MACROD2: variants seen among roughly 807,000 people sequenced by gnomAD.
MACROD2 encodes mono-ADP ribosylhydrolase 2.
MACROD2 carries 36 observed loss-of-function variants against 70.4 expected under a neutral mutation model. That is an observed-to-expected ratio of 0.51 (90% CI 0.39 to 0.68). The LOEUF (loss-of-function observed/expected upper bound fraction) is 0.68, where lower values mean the gene tolerates loss of function less well. MACROD2 is among the 30% of genes least tolerant of loss of function. The pLI is 0.00. For synonymous variants in MACROD2, 172 were observed against 178.8 expected (o/e 0.96, Z 0.30); for missense variants, 496 against 538.4 (o/e 0.92, Z 0.78).
intron 5 of MACROD2, among the ~76,000 whole-genome samples, chr20:15,135,372 A>T (rs1279739450): frequency 1.3e-5 from 2 of 151,884 alleles, no homozygotes; most frequent in Admixed American, 6.6e-5. Flanking sequence ...CACCATGATC[A>T]AGTGGGCTTC....
chr20:15,597,757 G>A (rs934205360), intron 8 of MACROD2, among the ~76,000 whole-genome samples: 2 of 152,168 alleles, frequency 1.3e-5, no homozygotes, highest in Non-Finnish European at 2.9e-5. Context: ...TAACCCAGAA[G>A]GCAGTAGAAA....
chr20:14,389,905 C>A (rs1291309308), intron 3 of MACROD2, among the ~76,000 whole-genome samples: 1 of 152,122 alleles, frequency 6.6e-6, no homozygotes, highest in Non-Finnish European at 1.5e-5. Flanking sequence ...CTGGCCAGGG[C>A]AATCAGGCAA....
chr20:15,403,192 T>G (rs2045952728), intron 6 of MACROD2, among the ~76,000 whole-genome samples: 1 of 152,260 alleles, frequency 6.6e-6, no homozygotes, highest in East Asian at 1.9e-4. Flanking sequence ...GGTCTCAAAC[T>G]CCTGACCTCA....
At chr20:15,490,271 C>CTCTT (rs1286630574) in intron 7 of MACROD2, among the ~76,000 whole-genome samples, 10 of 139,554 alleles carry the variant, frequency 7.2e-5, no homozygotes, top group Non-Finnish European at 1.5e-4. Flanking sequence ...CCTTCTTTCT[C>CTCTT]TCTTTCTTTC....
At chr20:14,189,897 G>A in intron 3 of MACROD2, among the ~76,000 whole-genome samples, 1 of 152,280 alleles carries the variant, frequency 6.6e-6, no homozygotes, top group African/African-American at 2.4e-5. Flanking sequence ...AACTATTTCA[G>A]TTAATGTTCA....
chr20:15,467,479 A>ACTT (rs2046909537), intron 7 of MACROD2, among the ~76,000 whole-genome samples: 1 of 152,204 alleles, frequency 6.6e-6, no homozygotes, highest in East Asian at 1.9e-4. Context: ...CCAAGGCGAA[A>ACTT]CATTGCACTC....
At chr20:14,423,440 C>G (rs67626497) in intron 3 of MACROD2, among the ~76,000 whole-genome samples, 45,498 of 151,200 alleles carry the variant, frequency 0.3, 7,994 homozygotes, top group South Asian at 0.59. Flanking sequence ...TGGCTCACGC[C>G]TGTAATCCCA....
chr20:14,095,283 G>A (rs2054207273), intron 3 of MACROD2, among the ~76,000 whole-genome samples: 1 of 152,118 alleles, frequency 6.6e-6, no homozygotes, highest in Non-Finnish European at 1.5e-5. Flanking sequence ...TGGGAAACTT[G>A]AAGATCCCCA....
intron 4 of MACROD2, among the ~76,000 whole-genome samples, chr20:14,596,410 A>AATATATATATATATATAT: frequency 1.0e-5 from 1 of 96,568 alleles, no homozygotes; most frequent in African/African-American, 5.8e-5. Context: ...TAATTTTTTA[A>AATATATATATATATATAT]ACATATATAT....
At chr20:14,446,507 T>C (rs2084184453) in intron 3 of MACROD2, among the ~76,000 whole-genome samples, 2 of 152,076 alleles carry the variant, frequency 1.3e-5, no homozygotes, top group Admixed American at 1.3e-4. Flanking sequence ...GGAGCCAGGA[T>C]GAACCTGGAA....
At chr20:14,439,321 G>A (rs755603176) in intron 3 of MACROD2, among the ~76,000 whole-genome samples, 19 of 151,746 alleles carry the variant, frequency 1.3e-4, no homozygotes, top group Admixed American at 3.3e-4. Context: ...ATTTTAAATC[G>A]GGCAGTGTGA....
intron 4 of MACROD2, among the ~76,000 whole-genome samples, chr20:14,574,492 TAA>T (rs1262153741): frequency 1.4e-4 from 21 of 152,122 alleles, no homozygotes; most frequent in African/African-American, 4.8e-4. Flanking sequence ...GCCTCCTGCT[TAA>T]GTCCTGCAGA....
chr20:14,601,639 A>C (rs1982505528), intron 4 of MACROD2, among the ~76,000 whole-genome samples: 1 of 152,088 alleles, frequency 6.6e-6, no homozygotes, highest in African/African-American at 2.4e-5. Flanking sequence ...TGTAAAATAT[A>C]ATTTTCTTAT....
intron 3 of MACROD2, among the ~76,000 whole-genome samples, chr20:14,423,917 C>T (rs1482088448): frequency 6.6e-6 from 1 of 151,620 alleles, no homozygotes; most frequent in African/African-American, 2.4e-5. Flanking sequence ...CATGTGCCAC[C>T]ACACCCGGCT....
chr20:15,647,079 G>A (rs1338602573), intron 8 of MACROD2, among the ~76,000 whole-genome samples: 1 of 152,196 alleles, frequency 6.6e-6, no homozygotes, highest in African/African-American at 2.4e-5. Context: ...CACCATAAAA[G>A]TTCTAAATGA....
At chr20:14,552,453 G>A (rs1340962126) in intron 4 of MACROD2, among the ~76,000 whole-genome samples, 1 of 151,166 alleles carries the variant, frequency 6.6e-6, no homozygotes, top group Non-Finnish European at 1.5e-5. Context: ...GAACAAAAAA[G>A]CCTTTTGGTG....
At chr20:15,625,256 T>C (rs932799445) in intron 8 of MACROD2, among the ~76,000 whole-genome samples, 5 of 149,378 alleles carry the variant, frequency 3.3e-5, no homozygotes, top group African/African-American at 1.3e-4. Context: ...CAAGTGACTA[T>C]AAAACGAGGA....
chr20:14,794,347 T>C (rs1245096595), intron 5 of MACROD2, among the ~76,000 whole-genome samples: 3 of 152,156 alleles, frequency 2.0e-5, no homozygotes, highest in African/African-American at 4.8e-5. Flanking sequence ...GTTGTTACTT[T>C]AAAATTCTTA....
intron 3 of MACROD2, among the ~76,000 whole-genome samples, chr20:14,230,654 T>TATATATATATATATATATATATATATA: frequency 1.3e-5 from 1 of 74,240 alleles, no homozygotes; most frequent in African/African-American, 6.8e-5. Context: ...TATATATATA[T>TATATATATATATATATATATATATATA]AACACAGGCT....
Sources: gnomAD v4.1 joint callset for allele counts (sites outside exome capture counted in the v4.1 genomes callset) on GRCh38, gnomAD v4.1.1 for gene constraint, MANE v1.5 for transcripts, NCBI Gene and HGNC (gene_info 2026-07-23, HGNC 2026-07-21) for gene names.